Variants in FAM193A observed in about 807,000 individuals in gnomAD.
The protein encoded by FAM193A is family with sequence similarity 193 member A.
A neutral mutation model predicts 126.5 loss-of-function variants in FAM193A; 22 were observed. The ratio of observed to expected loss-of-function variants is 0.17; its 90% CI spans 0.12 to 0.25. The LOEUF is 0.25. Among genes scored for constraint, FAM193A ranks in the 10% least tolerant of loss-of-function variants. The probability of loss-of-function intolerance (pLI) is 1.00; values close to 1 mark genes in which losing one functional copy is unlikely to be tolerated. For missense variants in FAM193A, 1,675 were observed against 1,672.8 expected, an observed-to-expected ratio of 1.00 and a Z score of -0.02; for synonymous variants, 761 against 646.8, an observed-to-expected ratio of 1.18 and a Z score of -2.68.
At chr4:2,576,049 G>C (rs1038680300) in intron 1 of FAM193A, among the ~76,000 whole-genome samples, 1 of 152,158 alleles carries the variant, frequency 6.6e-6, no homozygotes, top group African/African-American at 2.4e-5. Context: ...ACTACTGAAT[G>C]ATTTAAGCAG....
intron 7 of FAM193A, among the ~76,000 whole-genome samples, chr4:2,653,813 G>T (rs1745910111): frequency 6.6e-6 from 1 of 152,186 alleles, no homozygotes; most frequent in African/African-American, 2.4e-5. Flanking sequence ...ATACAATTGA[G>T]GGAAATTGAG....
chr4:2,630,873 C>T lies in FAM193A; in HGVS notation c.804-62C>T, dbSNP rs1035902628. The T allele has an allele frequency of 5.5e-6, 5 of 913,062 alleles. 1 individual carries two copies. The highest frequency in any genetic ancestry group is 2.8e-4 in the Middle Eastern group (1 of 3,520). 56.6% of individuals were successfully genotyped at this position (913,062 alleles called of 1,614,324 possible). ...GGAAGGGCTTCAGAAAAGATGCTCA[C>T]TGACATCAGAGCACCCATGGGCCCT... On this transcript the variant is annotated intron_variant, in intron 4 of 20. Transcript: ENST00000637812.
intron 20 of FAM193A, among the ~76,000 whole-genome samples, chr4:2,726,006 C>T (rs1356819399): frequency 1.3e-5 from 2 of 152,336 alleles, no homozygotes; most frequent in East Asian, 3.9e-4. Flanking sequence ...TCACGCCATT[C>T]TCCTGCCTCA....
At chr4:2,546,201 A>G (rs1016850101) in intron 1 of FAM193A, among the ~76,000 whole-genome samples, 1 of 151,332 alleles carries the variant, frequency 6.6e-6, no homozygotes, top group East Asian at 1.9e-4. Flanking sequence ...TGTGTTTCCC[A>G]AGCTGATCTC....
intron 7 of FAM193A, among the ~76,000 whole-genome samples, chr4:2,649,523 T>G (rs1345721283): frequency 6.6e-6 from 1 of 151,574 alleles, no homozygotes; most frequent in Non-Finnish European, 1.5e-5. Flanking sequence ...AATACAAAAA[T>G]TAGCCTGCCA....
chr4:2,700,585 T>A, intron 19 of FAM193A, 41 bp downstream of exon 19: 1 of 1,574,998 alleles, frequency 6.3e-7, no homozygotes, highest in Non-Finnish European at 8.6e-7. Context: ...GAGCGATGCC[T>A]GGTTTTCCAT....
chr4:2,619,630 A>C (rs541835590), intron 2 of FAM193A, among the ~76,000 whole-genome samples: 1 of 151,584 alleles, frequency 6.6e-6, no homozygotes, highest in South Asian at 2.1e-4. Flanking sequence ...CTGCCTCCCA[A>C]AGTGCTGGGA....
chr4:2,549,150 G>T (rs1737751286), intron 1 of FAM193A, among the ~76,000 whole-genome samples: 1 of 151,682 alleles, frequency 6.6e-6, no homozygotes. Context: ...TGTTGGCCAT[G>T]CTCGTCTTGA....
At chr4:2,543,792 G>C (rs970918756) in intron 1 of FAM193A, among the ~76,000 whole-genome samples, 2 of 149,064 alleles carry the variant, frequency 1.3e-5, no homozygotes, top group Non-Finnish European at 3.0e-5. Context: ...CGGGGTGGGG[G>C]GTGCAGGGCT....
At chr4:2,560,633 T>C (rs2108838535) in intron 1 of FAM193A, among the ~76,000 whole-genome samples, 1 of 152,316 alleles carries the variant, frequency 6.6e-6, no homozygotes, top group South Asian at 2.1e-4. Context: ...CTGATGGTTT[T>C]TAATGAGTCT....
At chr4:2,570,155 C>T (rs751174843) in intron 1 of FAM193A, among the ~76,000 whole-genome samples, 4 of 151,300 alleles carry the variant, frequency 2.6e-5, no homozygotes, top group South Asian at 2.1e-4. Context: ...CTTCAGAATC[C>T]GGGATTCTGG....
intron 1 of FAM193A, among the ~76,000 whole-genome samples, chr4:2,544,188 G>T (rs1737411314): frequency 6.6e-6 from 1 of 152,158 alleles, no homozygotes; most frequent in Non-Finnish European, 1.5e-5. Context: ...ACACGCTTTA[G>T]AAATGGTGTA....
At chr4:2,567,009 G>A (rs1188771969) in intron 1 of FAM193A, among the ~76,000 whole-genome samples, 24 of 149,202 alleles carry the variant, frequency 1.6e-4, no homozygotes, top group Admixed American at 2.7e-4. Context: ...GCACAATCTC[G>A]GCTCACTGCA....
At chr4:2,717,754 G>GAA (rs33968148) in intron 20 of FAM193A, among the ~76,000 whole-genome samples, 1 of 137,152 alleles carries the variant, frequency 7.3e-6, no homozygotes, top group Non-Finnish European at 1.6e-5. Context: ...GACCCTGTCT[G>GAA]AAAAAAAAAA....
intron 2 of FAM193A, among the ~76,000 whole-genome samples, chr4:2,620,836 C>CAAAAAAAAAAAAAAA (rs34305537): frequency 8.7e-5 from 6 of 69,092 alleles, no homozygotes; most frequent in African/African-American, 2.4e-4. Context: ...AACTCCGTCT[C>CAAAAAAAAAAAAAAA]AAAAAAAAAA....
chr4:2,694,035 G>C (rs1431181336), intron 16 of FAM193A, among the ~76,000 whole-genome samples, 161 bp downstream of exon 16: 1 of 152,202 alleles, frequency 6.6e-6, no homozygotes, highest in African/African-American at 2.4e-5. Flanking sequence ...ATGGGTAGAG[G>C]GGGGCTCCCA....
chr4:2,611,350 C>A (rs1577072412), intron 2 of FAM193A, among the ~76,000 whole-genome samples: 1 of 151,896 alleles, frequency 6.6e-6, no homozygotes, highest in East Asian at 1.9e-4. Flanking sequence ...CTCACTGCAG[C>A]CTCCACCTCC....
chr4:2,586,331 C>G (rs1174178497), intron 1 of FAM193A, among the ~76,000 whole-genome samples: 1 of 152,004 alleles, frequency 6.6e-6, no homozygotes, highest in African/African-American at 2.4e-5. Context: ...AAATGTTTCC[C>G]TTTACCCAAG....
intron 1 of FAM193A, among the ~76,000 whole-genome samples, chr4:2,544,318 G>T (rs1737418955): frequency 6.6e-6 from 1 of 152,154 alleles, no homozygotes; most frequent in Non-Finnish European, 1.5e-5. Flanking sequence ...CCAGCACTTT[G>T]GAAGGCCGAG....
Sources: allele counts gnomAD v4.1 joint callset (sites outside exome capture counted in the v4.1 genomes callset), GRCh38; gene constraint gnomAD v4.1.1; transcripts MANE v1.5; gene names NCBI Gene and HGNC (gene_info 2026-07-23, HGNC 2026-07-21).